Variants in MCC observed in about 807,000 individuals in gnomAD.
The protein encoded by MCC is colorectal mutant cancer protein.
In MCC, 90 loss-of-function variants were observed where a neutral mutation model predicts 116.2. That is an observed-to-expected ratio of 0.77 (90% confidence interval 0.65 to 0.92). MCC has a LOEUF of 0.92. MCC is among the 40% of genes least tolerant of loss of function. The pLI, the probability that MCC is intolerant of heterozygous loss-of-function variation, is 0.00. For missense variants in MCC, 1,516 were observed against 1,312.2 expected, an observed-to-expected ratio of 1.16 and a Z score of -2.40; for synonymous variants, 578 against 510.5, an observed-to-expected ratio of 1.13 and a Z score of -1.78.
chr5:113,481,840 A>T (rs1772386930), intron 1 of MCC, among the ~76,000 whole-genome samples: 1 of 152,330 alleles, frequency 6.6e-6, no homozygotes, highest in East Asian at 1.9e-4. Flanking sequence ...CTATATTCAC[A>T]GAGCTGTAAA....
At chr5:113,418,039 C>A (rs1435960696) in intron 1 of MCC, among the ~76,000 whole-genome samples, 1 of 151,970 alleles carries the variant, frequency 6.6e-6, no homozygotes, top group Non-Finnish European at 1.5e-5. Context: ...AAGGTGACTG[C>A]ATACTGTTTG....
chr5:113,236,248 T>G (rs956744256), intron 3 of MCC, among the ~76,000 whole-genome samples: 1 of 152,218 alleles, frequency 6.6e-6, no homozygotes, highest in African/African-American at 2.4e-5. Flanking sequence ...CCAATATGCC[T>G]GAGCCTAGGT....
chr5:113,460,514 G>GA (rs1771714827), intron 1 of MCC, among the ~76,000 whole-genome samples: 2 of 152,168 alleles, frequency 1.3e-5, no homozygotes, highest in Non-Finnish European at 2.9e-5. Flanking sequence ...GTGGGTCAGA[G>GA]AACTAACTTC....
chr5:113,224,509 G>C (rs1036415675), intron 3 of MCC, among the ~76,000 whole-genome samples: 1 of 152,266 alleles, frequency 6.6e-6, no homozygotes, highest in South Asian at 2.1e-4. Context: ...AACTGCCCTC[G>C]TCCTTAAGCA....
At chr5:113,070,300 T>G (rs968251210) in intron 12 of MCC, among the ~76,000 whole-genome samples, 8 of 152,106 alleles carry the variant, frequency 5.3e-5, no homozygotes, top group African/African-American at 1.9e-4. Context: ...GTGGTAACAC[T>G]AATAAAAGAA....
chr5:113,389,608 C>T (rs755498323), intron 1 of MCC, among the ~76,000 whole-genome samples: 1 of 152,106 alleles, frequency 6.6e-6, no homozygotes, highest in Non-Finnish European at 1.5e-5. Context: ...TTCTTTCTCT[C>T]TTTCTCTTTT....
intron 3 of MCC, among the ~76,000 whole-genome samples, chr5:113,287,592 T>A (rs1766313975): frequency 6.6e-6 from 1 of 152,210 alleles, no homozygotes; most frequent in Non-Finnish European, 1.5e-5. Context: ...CCCAAAGTGC[T>A]GGGATTACAG....
chr5:113,150,259 A>G lies in MCC; in HGVS notation c.741+1050T>C, dbSNP rs147306330. Among the ~76,000 whole-genome samples, 1,219 of 152,352 alleles carry G rather than the reference A, an allele frequency of 8.0e-3. 8 individuals carry two copies. Among genetic ancestry groups the G allele is most frequent in the Non-Finnish European group, 0.011 (748 of 68,036 alleles). ...GAAGGCTAGGTTCTAAACACTTTAG[A>G]AAGCCATTTTAAACCCTGCCTCCTG... On this transcript the variant is annotated intron_variant, in intron 4 of 18. Coordinates refer to ENST00000408903, the MANE Select transcript of MCC (RefSeq NM_001085377.2).
intron 1 of MCC, among the ~76,000 whole-genome samples, chr5:113,472,528 A>G (rs762722275): frequency 1.3e-5 from 2 of 152,210 alleles, no homozygotes; most frequent in Non-Finnish European, 2.9e-5. Flanking sequence ...CTCTGTGCCT[A>G]CAGTGTACAT....
intron 3 of MCC, among the ~76,000 whole-genome samples, chr5:113,317,269 T>TA (rs1051140129): frequency 6.6e-5 from 10 of 151,698 alleles, no homozygotes; most frequent in African/African-American, 1.9e-4. Flanking sequence ...CTAACCCACT[T>TA]AAAAAAAAAC....
intron 5 of MCC, among the ~76,000 whole-genome samples, chr5:113,130,214 T>C (rs1758339890): frequency 6.6e-6 from 1 of 152,176 alleles, no homozygotes; most frequent in Non-Finnish European, 1.5e-5. Flanking sequence ...GAAACCATCA[T>C]TCTCAGCAAA....
intron 1 of MCC, among the ~76,000 whole-genome samples, chr5:113,427,940 G>A (rs1168638655): frequency 6.6e-6 from 1 of 152,152 alleles, no homozygotes; most frequent in East Asian, 1.9e-4. Context: ...GAAGGTTATA[G>A]AAACCACACA....
intron 11 of MCC, 115 bp downstream of exon 11, chr5:113,082,745 C>T (rs1754944012): frequency 8.6e-6 from 11 of 1,282,594 alleles, no homozygotes; most frequent in Admixed American, 6.6e-5. Context: ...ACCAGCCTGA[C>T]GGTACTGCTC....
intron 3 of MCC, among the ~76,000 whole-genome samples, chr5:113,161,639 T>C (rs1300083027): frequency 3.6e-5 from 1 of 28,050 alleles, no homozygotes; most frequent in Non-Finnish European, 1.2e-4. Context: ...TGTGTGTGTG[T>C]GTGTGTGTGT....
At chr5:113,153,965 C>T (rs1413792635) in intron 3 of MCC, among the ~76,000 whole-genome samples, 1 of 152,244 alleles carries the variant, frequency 6.6e-6, no homozygotes, top group Non-Finnish European at 1.5e-5. Flanking sequence ...TGGTATTGTA[C>T]ATGACAGAGT....
At chr5:113,365,449 A>C (rs1768662290) in intron 2 of MCC, among the ~76,000 whole-genome samples, 1 of 152,166 alleles carries the variant, frequency 6.6e-6, no homozygotes, top group Admixed American at 6.5e-5. Flanking sequence ...CACTGTCAGC[A>C]CTGTCATAAC....
Position 113,032,059 on chromosome 5 carries a change from T to C in MCC, c.2757-3003A>G, listed in dbSNP as rs578187727. ...AACTTAAACCTAAAATTTGGGTTGG[T>C]TGATCTGTTTTCATGACAACACAAA... is the stretch of plus-strand genomic sequence containing the variant. On this transcript the variant is annotated intron_variant, in intron 17 of 18. Coordinates refer to ENST00000408903, the MANE Select transcript of MCC (RefSeq NM_001085377.2). Among the ~76,000 whole-genome samples, 12 of 152,342 alleles carry C rather than the reference T, an allele frequency of 7.9e-5. No individual in the cohort carries two copies. In the East Asian group the frequency reaches 9.6e-4, roughly 12 times the overall value.
chr5:113,299,292 C>CAAAAAAAAAAAAAAAAAAAAA (rs58372049), intron 3 of MCC, among the ~76,000 whole-genome samples: 3 of 52,062 alleles, frequency 5.8e-5, no homozygotes, highest in South Asian at 1.1e-3. Context: ...GACTCCGTCT[C>CAAAAAAAAAAAAAAAAAAAAA]AAAAAAAAAA....
rs1271553684 is a variant in MCC, at chr5:113,340,549, TAC to T, written c.595_596del (p.Val199ArgfsTer27). 17 of 1,614,066 alleles carry T rather than the reference TAC, an allele frequency of 1.1e-5. No homozygotes were observed. Among genetic ancestry groups the T allele is most frequent in the Non-Finnish European group, 1.4e-5 (17 of 1,180,012 alleles). On this transcript the variant is annotated frameshift_variant, in exon 3 of 19. Coordinates refer to ENST00000408903, the MANE Select transcript of MCC (RefSeq NM_001085377.2). LOFTEE classifies it high-confidence loss of function. ...LTQSPHIGNS[V>X]GGSYLELANT... ...TGGCCAGCTCTAGATAGCTTCCTCC[TAC>T]AGAGTTGCCAATGTGCGGGGACTGT...
Sources: allele counts gnomAD v4.1 joint callset (sites outside exome capture counted in the v4.1 genomes callset), GRCh38; gene constraint gnomAD v4.1.1; transcripts MANE v1.5; gene names NCBI Gene and HGNC (gene_info 2026-07-23, HGNC 2026-07-21).